RIF1: variants seen among roughly 807,000 people sequenced by gnomAD.
RIF1 encodes telomere-associated protein RIF1.
In RIF1, 45 loss-of-function variants were observed where a neutral mutation model predicts 247.1. That is an observed-to-expected ratio of 0.18 (90% confidence interval 0.14 to 0.23). RIF1 has a LOEUF of 0.23. Among genes scored for constraint, RIF1 ranks in the 10% least tolerant of loss-of-function variants. The pLI is 1.00. For missense variants in RIF1, 2,967 were observed against 2,862.5 expected, an observed-to-expected ratio of 1.04 and a Z score of -0.83; for synonymous variants, 1,087 against 978.8, an observed-to-expected ratio of 1.11 and a Z score of -2.06.
rs797045098 is a variant in RIF1, at chr2:151,503,442, C to G, written c.*861+257C>G. 4.4e-6 allele frequency: 7 copies of G among 1,593,542 alleles called. No individual in the cohort carries two copies. Among genetic ancestry groups the G allele is most frequent in the Non-Finnish European group, 6.0e-6 (7 of 1,161,676 alleles). Reference sequence around the variant, plus strand: ...TTCCCAAGTTTTCTTTGTACATAACCTGTAGAAAATAATTAGAATACCCAG... The same window carrying G: ...TTCCCAAGTTTTCTTTGTACATAACGTGTAGAAAATAATTAGAATACCCAG... On this transcript the variant is annotated intron_variant and NMD_transcript_variant, in intron 12 of 13. Transcript: ENST00000454583.
At chr2:151,410,209 A>G (rs1685900389) in intron 1 of RIF1, 176 bp downstream of exon 1, 1 of 634,776 alleles carries the variant, frequency 1.6e-6, no homozygotes, top group East Asian at 2.7e-5. Context: ...CCAGGCCCGA[A>G]TGTGGCGTGG....
chr2:151,483,269 T>C (rs1368994921), downstream of RIF1: 2 of 152,136 alleles, frequency 1.3e-5, no homozygotes, highest in Non-Finnish European at 2.9e-5. Context: ...CTAGTATCGT[T>C]GGACCAACAA....
chr2:151,487,258 A>G (rs573907541), intron 9 of RIF1, among the ~76,000 whole-genome samples: 3 of 152,326 alleles, frequency 2.0e-5, no homozygotes, highest in African/African-American at 7.2e-5. Context: ...TATCCTCCAC[A>G]GTGTTAAAAT....
intron 9 of RIF1, among the ~76,000 whole-genome samples, chr2:151,432,667 G>A (rs1690382831): frequency 6.6e-6 from 1 of 152,178 alleles, no homozygotes; most frequent in African/African-American, 2.4e-5. Flanking sequence ...ATTTGTCAAA[G>A]TTTTGGCATT....
intron 8 of RIF1, among the ~76,000 whole-genome samples, chr2:151,425,869 G>A (rs1251570552): frequency 1.3e-5 from 2 of 151,374 alleles, no homozygotes; most frequent in Non-Finnish European, 2.9e-5. Context: ...ATTAGAGAAG[G>A]GGTTTTACCA....
chr2:151,497,322 C>G, intron 10 of RIF1: 2 of 977,816 alleles, frequency 2.0e-6, no homozygotes, highest in Non-Finnish European at 2.4e-6. Context: ...GCCTCCTAAA[C>G]AATTATATGA....
downstream of RIF1, among the ~76,000 whole-genome samples, chr2:151,511,232 G>A (rs2074009800): frequency 6.6e-6 from 1 of 152,172 alleles, no homozygotes; most frequent in Non-Finnish European, 1.5e-5. Flanking sequence ...GTAATTTGGA[G>A]CCCATATCAT....
In RIF1 at chr2:151,465,170, C is replaced by T; in HGVS notation, c.5650C>T (p.Pro1884Ser). Residue 1884 changes from proline to serine, a missense_variant, in exon 30 of 36, where the codon CCA becomes TCA. Physicochemically the swap from Pro to Ser is moderately conservative, Grantham distance 74 (BLOSUM62 -1). This residue lies in a region of RIF1 where 2,028 missense variants were observed against 1,825.6 expected (regional missense o/e 1.11). Transcript: ENST00000444746. ...QESLETKEEK[P>S]EETPKMELSL... ...ATCTTTGGAGACAAAAGAAGAAAAA[C>T]CAGAAGAAACCCCAAAAATGGAACT... 1 of 1,613,374 alleles carries T rather than the reference C, an allele frequency of 6.2e-7. No homozygotes were observed. Among genetic ancestry groups the T allele is most frequent in the Non-Finnish European group, 8.5e-7 (1 of 1,179,862 alleles).
chr2:151,490,619 C>T (rs769643288), intron 9 of RIF1: 2 of 1,433,694 alleles, frequency 1.4e-6, no homozygotes, highest in Non-Finnish European at 1.9e-6. Context: ...CTTTGCCAAG[C>T]ATGGTTTTAA....
chr2:151,503,300 G>A, intron 12 of RIF1: 1 of 1,370,648 alleles, frequency 7.3e-7, no homozygotes, highest in Non-Finnish European at 1.0e-6. Context: ...GGTTATTGTG[G>A]TAAATTTTTT....
intron 12 of RIF1, among the ~76,000 whole-genome samples, chr2:151,504,566 C>T (rs1184286903): frequency 6.6e-6 from 1 of 152,168 alleles, no homozygotes; most frequent in Admixed American, 6.5e-5. Flanking sequence ...GAACAACCTG[C>T]AAGAGAAATA....
At chr2:151,430,089 C>G (rs909669248) in intron 9 of RIF1, among the ~76,000 whole-genome samples, 3 of 151,304 alleles carry the variant, frequency 2.0e-5, no homozygotes, top group Admixed American at 6.6e-5. Context: ...GGCACAATCT[C>G]GGCTCACTGC....
In RIF1 at chr2:151,436,905, C is replaced by T. The variant is rs1691338423; in HGVS notation, c.1274C>T (p.Pro425Leu). 1 of 1,613,776 alleles carries T rather than the reference C, an allele frequency of 6.2e-7. No homozygotes were observed. The highest frequency in any genetic ancestry group is 8.5e-7 in the Non-Finnish European group (1 of 1,179,776). The change falls in exon 12 of 36, where the codon CCA becomes CTA. Residue 425 changes from proline (P) to leucine (L), a missense_variant. Around this residue, in one of 7 missense-constraint regions of RIF1, gnomAD observed 369 missense variants for 322.0 expected, o/e 1.15. Coordinates refer to ENST00000444746, the MANE Select transcript of RIF1 (RefSeq NM_018151.5). ...SSNLGGMATIPSIQLLGLEML... is the reference protein window; with the variant it reads ...SSNLGGMATILSIQLLGLEML... The stretch of plus-strand genomic sequence containing the variant: ...AATTTAGGTGGAATGGCCACAATCC[C>T]ATCCATTCAACTTTTGGGACTTGAA...
chr2:151,412,572 C>T (rs890589870), intron 3 of RIF1, among the ~76,000 whole-genome samples: 2 of 152,172 alleles, frequency 1.3e-5, no homozygotes, highest in African/African-American at 4.8e-5. Context: ...ACTGCAACCT[C>T]TGCCTCCCAG....
At chr2:151,486,910 C>G (rs1417175148), downstream of RIF1, among the ~76,000 whole-genome samples, 2 of 152,066 alleles carry the variant, frequency 1.3e-5, no homozygotes, top group Non-Finnish European at 2.9e-5. Context: ...TTTTAATTCA[C>G]CAGAAGAGTT....
intron 9 of RIF1, among the ~76,000 whole-genome samples, chr2:151,430,976 T>A (rs557008528): frequency 1.3e-5 from 2 of 152,190 alleles, no homozygotes; most frequent in Non-Finnish European, 2.9e-5. Flanking sequence ...TAATTGAAAT[T>A]GTAGCTTATT....
At position 151,463,941 on chromosome 2, in the gene RIF1, T is replaced by A; in HGVS notation, c.4421T>A (p.Leu1474Gln). 6.2e-7 allele frequency: 1 copy of A among 1,612,238 alleles called. No individual in the cohort carries two copies. The highest frequency in any genetic ancestry group is 8.5e-7 in the Non-Finnish European group (1 of 1,179,572). ...CAAAAACTGATTGCTGAACAAACTCTACAGGAGAATTTAATTGAGAAAGGA... is the reference window on the plus strand; with the variant it reads ...CAAAAACTGATTGCTGAACAAACTCAACAGGAGAATTTAATTGAGAAAGGA... Reference protein sequence around the residue: ...PKQKLIAEQTLQENLIEKGSN... With the variant: ...PKQKLIAEQTQQENLIEKGSN... The change falls in exon 30 of 36, where the codon CTA becomes CAA. Residue 1474 changes from leucine to glutamine, a missense_variant. By Grantham distance (113) the Leu-to-Gln change is moderately radical. Coordinates refer to ENST00000444746, the MANE Select transcript of RIF1 (RefSeq NM_018151.5).
chr2:151,451,225 G>A (rs548111955), intron 20 of RIF1, among the ~76,000 whole-genome samples: 9 of 152,188 alleles, frequency 5.9e-5, no homozygotes, highest in Non-Finnish European at 1.3e-4. Context: ...GTGTCTTTTC[G>A]ATGCTTAGAT....
intron 9 of RIF1, chr2:151,493,065 T>C: frequency 3.1e-6 from 1 of 319,596 alleles, no homozygotes; most frequent in East Asian, 7.0e-5. Flanking sequence ...GTTGGTTACG[T>C]AGAACTACCT....
Sources: gnomAD v4.1 joint callset for allele counts (sites outside exome capture counted in the v4.1 genomes callset) on GRCh38, gnomAD v4.1.1 for gene constraint, gnomAD v4.1.1 regional missense constraint, MANE v1.5 for transcripts, NCBI Gene and HGNC (gene_info 2026-07-23, HGNC 2026-07-21) for gene names.